Variants in CRACR2A observed in about 807,000 individuals in gnomAD.
The protein encoded by CRACR2A is calcium release activated channel regulator 2A, also known as EF-hand calcium-binding domain-containing protein 4B.
CRACR2A carries 79 observed loss-of-function variants against 90.5 expected under a neutral mutation model. That is an observed-to-expected ratio of 0.87 (90% CI 0.73 to 1.05). The LOEUF (loss-of-function observed/expected upper bound fraction) is 1.05, where lower values mean the gene tolerates loss of function less well. Ranked by LOEUF, CRACR2A falls within the 50% of genes least tolerant of loss-of-function variation. CRACR2A has a pLI of 0.00. For synonymous variants in CRACR2A, 338 were observed against 356.7 expected (o/e 0.95, Z 0.59); for missense variants, 823 against 897.2 (o/e 0.92, Z 1.06).
chr12:3,671,638 C>G (rs1328534583), intron 7 of CRACR2A, among the ~76,000 whole-genome samples: 1 of 152,052 alleles, frequency 6.6e-6, no homozygotes, highest in Non-Finnish European at 1.5e-5. Flanking sequence ...AACAGCAAGT[C>G]TCTACACTGT....
chr12:3,621,254 C>T (rs1024414762), intron 17 of CRACR2A, among the ~76,000 whole-genome samples: 7 of 152,174 alleles, frequency 4.6e-5, no homozygotes, highest in East Asian at 1.9e-4. Context: ...TCTGTTTCCT[C>T]GCTTGCAGAG....
chr12:3,643,260 G>A lies in CRACR2A; in HGVS notation c.1164+1335C>T, dbSNP rs183413187. On this transcript the variant is annotated intron_variant, in intron 12 of 19. Transcript: ENST00000440314. ...ACTGTGGCGTAATGCAGTCCCTCAG[G>A]GATTTGCAATTATAAAGCAGGTCAG... 4.3e-4 allele frequency among the ~76,000 whole-genome samples: 65 copies of A among 152,224 alleles called. 1 individual carries two copies. Among genetic ancestry groups the A allele is most frequent in the African/African-American group, 1.5e-3 (63 of 41,532 alleles).
intron 4 of CRACR2A, among the ~76,000 whole-genome samples, chr12:3,691,679 T>C (rs1945652663): frequency 6.6e-6 from 1 of 152,226 alleles, no homozygotes; most frequent in Admixed American, 6.5e-5. Context: ...TTCCTGAATT[T>C]GAATGTTGGC....
chr12:3,635,297 G>A (rs533854896), intron 14 of CRACR2A, among the ~76,000 whole-genome samples: 11 of 152,256 alleles, frequency 7.2e-5, no homozygotes, highest in African/African-American at 1.9e-4. Context: ...GCTGGATTGC[G>A]GGGAGGGGGC....
At chr12:3,678,893 A>G (rs1484344439) in intron 6 of CRACR2A, 22 bp downstream of exon 6, 6 of 1,586,200 alleles carry the variant, frequency 3.8e-6, no homozygotes, top group South Asian at 1.2e-5. Flanking sequence ...TCTCCGTTCT[A>G]CAAATCACTG....
At chr12:3,679,563 G>A (rs1037545783) in intron 5 of CRACR2A, among the ~76,000 whole-genome samples, 1 of 152,122 alleles carries the variant, frequency 6.6e-6, no homozygotes, top group Non-Finnish European at 1.5e-5. Flanking sequence ...TACTCATACT[G>A]TCCAGTGTTA....
At chr12:3,708,264 G>A (rs1263065189) in intron 3 of CRACR2A, among the ~76,000 whole-genome samples, 1 of 152,112 alleles carries the variant, frequency 6.6e-6, no homozygotes, top group Non-Finnish European at 1.5e-5. Context: ...CGGTCCTCCT[G>A]CCTCCAGAGG....
intron 2 of CRACR2A, among the ~76,000 whole-genome samples, chr12:3,723,959 C>T (rs1035935289): frequency 6.6e-6 from 1 of 152,156 alleles, no homozygotes; most frequent in Non-Finnish European, 1.5e-5. Flanking sequence ...CACTCCTATG[C>T]CCTTCCTTCG....
chr12:3,627,796 C>A, intron 15 of CRACR2A, 90 bp from the exon 16 acceptor site: 1 of 1,309,142 alleles, frequency 7.6e-7, no homozygotes, highest in South Asian at 1.3e-5. Context: ...CATCTGAAAT[C>A]ACATCAGGCC....
chr12:3,739,328 T>C (rs1016457288), intron 1 of CRACR2A, among the ~76,000 whole-genome samples: 4 of 152,288 alleles, frequency 2.6e-5, no homozygotes, highest in Non-Finnish European at 5.9e-5. Flanking sequence ...TAAAAATTCA[T>C]CTAACAGTGT....
At chr12:3,660,888 A>AC (rs1565479300) in intron 7 of CRACR2A, among the ~76,000 whole-genome samples, 2 of 109,868 alleles carry the variant, frequency 1.8e-5, no homozygotes, top group African/African-American at 3.7e-5. Flanking sequence ...ACACACACAC[A>AC]ATTTTGGCCC....
chr12:3,722,304 C>T (rs999192002), intron 2 of CRACR2A, among the ~76,000 whole-genome samples: 8 of 152,178 alleles, frequency 5.3e-5, no homozygotes, highest in African/African-American at 1.7e-4. Flanking sequence ...ATATACCAGG[C>T]ACTATGCTGG....
chr12:3,621,681 A>AAAAAAAAAAAAAAAAAAAAAAAAAAAAT (rs1944142334), intron 17 of CRACR2A, among the ~76,000 whole-genome samples: 1 of 136,572 alleles, frequency 7.3e-6, no homozygotes, highest in Non-Finnish European at 1.6e-5. Flanking sequence ...AAAAAAAAAA[A>AAAAAAAAAAAAAAAAAAAAAAAAAAAAT]CCAAAGCAAT....
intron 10 of CRACR2A, among the ~76,000 whole-genome samples, chr12:3,653,172 G>A (rs946077326): frequency 1.4e-4 from 22 of 152,096 alleles, no homozygotes; most frequent in African/African-American, 4.8e-4. Context: ...TAGTAGAGAT[G>A]GGGTTTCACC....
At chr12:3,670,935 T>A (rs926517406) in intron 7 of CRACR2A, among the ~76,000 whole-genome samples, 1 of 152,182 alleles carries the variant, frequency 6.6e-6, no homozygotes, top group African/African-American at 2.4e-5. Context: ...AGAGCAAGCA[T>A]GGCTGGCAGG....
chr12:3,682,698 T>C (rs1218096075), intron 4 of CRACR2A, among the ~76,000 whole-genome samples: 1 of 152,202 alleles, frequency 6.6e-6, no homozygotes, highest in African/African-American at 2.4e-5. Flanking sequence ...CTCTTATTTA[T>C]CGCTCTGCTC....
At chr12:3,632,712 T>C (rs750479735) in intron 15 of CRACR2A, among the ~76,000 whole-genome samples, 1 of 152,188 alleles carries the variant, frequency 6.6e-6, no homozygotes, top group Non-Finnish European at 1.5e-5. Context: ...ATCTGTCGAC[T>C]GTGCTGAACA....
chr12:3,708,083 G>A (rs568894129), intron 3 of CRACR2A, among the ~76,000 whole-genome samples: 63 of 152,246 alleles, frequency 4.1e-4, no homozygotes, highest in Non-Finnish European at 7.9e-4. Flanking sequence ...CTCAGCATCC[G>A]TGTGCTTTCG....
rs1003358107 is a variant in CRACR2A, at chr12:3,753,055, C to G, written c.-427G>C. On this transcript the variant is annotated 5_prime_UTR_variant, in exon 1 of 20. Coordinates refer to ENST00000440314, the MANE Select transcript of CRACR2A (RefSeq NM_001144958.2). ...TTCCCGTGGACCTGCCCGCGCCGCC[C>G]GCTCGGCTCTCAGCTGTCAAGCAGC... 6.6e-6 allele frequency: 1 copy of G among 152,448 alleles called. No homozygotes were observed. 9.4% of individuals were successfully genotyped at this position (152,448 alleles called of 1,614,324 possible).
Sources: allele counts gnomAD v4.1 joint callset (sites outside exome capture counted in the v4.1 genomes callset), GRCh38; gene constraint gnomAD v4.1.1; transcripts MANE v1.5; gene names NCBI Gene and HGNC (gene_info 2026-07-23, HGNC 2026-07-21).